SYT14: variants seen among roughly 807,000 people sequenced by gnomAD.
The protein encoded by SYT14 is synaptotagmin 14, also known as synaptotagmin-14.
A neutral mutation model predicts 74.2 loss-of-function variants in SYT14; 32 were observed. The ratio of observed to expected loss-of-function variants is 0.43; its 90% CI spans 0.33 to 0.58. SYT14 has a LOEUF of 0.58. Among genes scored for constraint, SYT14 ranks in the 20% least tolerant of loss-of-function variants. The pLI is 0.05. For synonymous variants in SYT14, 298 were observed against 337.7 expected, an observed-to-expected ratio of 0.88 and a Z score of 1.29; for missense variants, 791 against 981.8, an observed-to-expected ratio of 0.81 and a Z score of 2.60.
At chr1:210,100,739 C>T (rs1289020334) in intron 7 of SYT14, among the ~76,000 whole-genome samples, 1 of 152,054 alleles carries the variant, frequency 6.6e-6, no homozygotes, top group African/African-American at 2.4e-5. Flanking sequence ...TGTTGTTGAA[C>T]ATTTATTAAA....
intron 5 of SYT14, among the ~76,000 whole-genome samples, chr1:210,059,382 A>G (rs1305272466): frequency 2.0e-5 from 3 of 147,230 alleles, no homozygotes; most frequent in Non-Finnish European, 4.5e-5. Flanking sequence ...CAACCTGAGT[A>G]AGATAAATTA....
chr1:210,009,537 A>T (rs889435505), intron 2 of SYT14, among the ~76,000 whole-genome samples: 6 of 151,946 alleles, frequency 3.9e-5, no homozygotes, highest in Non-Finnish European at 7.4e-5. Context: ...AAGCTTTAGT[A>T]TGTATTTATC....
At chr1:210,080,597 C>T (rs1205939985) in intron 5 of SYT14, among the ~76,000 whole-genome samples, 1 of 152,160 alleles carries the variant, frequency 6.6e-6, no homozygotes, top group Non-Finnish European at 1.5e-5. Context: ...GCCCTTTATT[C>T]AACAAACTGT....
rs184069997 is a variant in SYT14, at chr1:209,991,867, C to T, written c.-485-21766C>T. On this transcript the variant is annotated intron_variant, in intron 2 of 9. Transcript: ENST00000637265. ...AAAAAAGTCAAATAACAGATATTGA[C>T]GGGGATGCAGAGAAATGGAAACATA... 1.4e-3 allele frequency among the ~76,000 whole-genome samples: 209 copies of T among 151,112 alleles called. No individual in the cohort carries two copies. In the Middle Eastern group the frequency reaches 0.018, roughly 13 times the overall value.
rs141900638 is a variant in SYT14 at position 210,035,068 on chromosome 1, G to A, written c.1312+13814G>A. Among the ~76,000 whole-genome samples the A allele has an allele frequency of 4.2e-3, 633 of 151,832 alleles. 2 individuals carry two copies. The highest frequency in any genetic ancestry group is 0.014 in the African/African-American group (578 of 41,498). Reference sequence around the variant, plus strand: ...AATCTACATACTGTTTTCCTTAGAGGCTGTACTAATTTACATTCTCACCAA... The same window carrying A: ...AATCTACATACTGTTTTCCTTAGAGACTGTACTAATTTACATTCTCACCAA... On this transcript the variant is annotated intron_variant, in intron 5 of 9. Transcript: ENST00000637265.
At chr1:210,013,669 G>A in exon 3 of SYT14, 14 of 1,612,986 alleles carry the variant, frequency 8.7e-6, no homozygotes, top group Non-Finnish European at 1.2e-5. Context: ...TCAGCTGTTG[G>A]GGTGTTTATT....
rs770355198 is a variant in SYT14 at position 210,021,197 on chromosome 1, T to C, written c.1255T>C (p.Tyr419His). The C allele has an allele frequency of 2.5e-6, 4 of 1,613,998 alleles. No homozygotes were observed. The South Asian group carries it at 4.4e-5, about 18-fold the overall frequency. ...CTATGCTTGGGAAACAAGGCAGAAATACAGTCCTCTATCGGCAGAGTATGA... is the reference window on the plus strand; with the variant it reads ...CTATGCTTGGGAAACAAGGCAGAAACACAGTCCTCTATCGGCAGAGTATGA... The change falls in exon 5 of 10, where the codon TAC (tyrosine) becomes CAC (histidine). Residue 419 changes from tyrosine (Y) to histidine (H), a missense_variant. Physicochemically the swap from Tyr to His is moderately conservative, Grantham distance 83. Transcript: ENST00000637265.
chr1:209,987,657 T>C (rs1290503566), intron 2 of SYT14, among the ~76,000 whole-genome samples: 1 of 152,240 alleles, frequency 6.6e-6, no homozygotes, highest in African/African-American at 2.4e-5. Context: ...ATATCCAAAC[T>C]ATATCCTTTT....
rs10650636 is a variant in SYT14, at chr1:210,030,908, G to GTTTGTTTTGTTTTGT, written c.1312+9676_1312+9690dup. On this transcript the variant is annotated intron_variant, in intron 5 of 9. Coordinates refer to ENST00000637265, the Ensembl canonical transcript of SYT14. ...AATTAGTATGGGAAGGCAGTGTTTT[G>GTTTGTTTTGTTTTGT]TTTGTTTTGTTTTGTTTTGTTTTGT... is the stretch of plus-strand genomic sequence containing the variant. Among the ~76,000 whole-genome samples, 3,624 of 149,038 alleles carry GTTTGTTTTGTTTTGT rather than the reference G, an allele frequency of 0.024. 248 individuals are homozygous for GTTTGTTTTGTTTTGT. In the East Asian group the frequency reaches 0.26, roughly 11 times the overall value.
chr1:209,940,502 C>A (rs1294760255), intron 1 of SYT14, among the ~76,000 whole-genome samples: 1 of 152,054 alleles, frequency 6.6e-6, no homozygotes, highest in Non-Finnish European at 1.5e-5. Flanking sequence ...TTTAAACATG[C>A]AATTACAGTG....
intron 1 of SYT14, among the ~76,000 whole-genome samples, chr1:209,948,560 C>A (rs1484235778): frequency 6.6e-6 from 1 of 152,192 alleles, no homozygotes; most frequent in Non-Finnish European, 1.5e-5. Flanking sequence ...AGTATTATCT[C>A]CGCAAGTATA....
At chr1:210,025,019 T>C (rs937561738) in intron 5 of SYT14, among the ~76,000 whole-genome samples, 2 of 152,180 alleles carry the variant, frequency 1.3e-5, no homozygotes, top group African/African-American at 2.4e-5. Flanking sequence ...GGTAAGGAAG[T>C]ATACATTTGC....
chr1:210,094,498 A>C, exon 6 of SYT14: 1 of 1,613,992 alleles, frequency 6.2e-7, no homozygotes, highest in East Asian at 2.2e-5. Flanking sequence ...CAAGTGCCCA[A>C]GTGAAGGAAG....
chr1:210,102,175 G>A (rs2082079914), intron 7 of SYT14, among the ~76,000 whole-genome samples: 1 of 152,050 alleles, frequency 6.6e-6, no homozygotes, highest in African/African-American at 2.4e-5. Context: ...ATGGGGGTTT[G>A]TTTTACAGAT....
intron 7 of SYT14, among the ~76,000 whole-genome samples, chr1:210,139,111 G>A (rs2082852400): frequency 6.8e-6 from 1 of 146,282 alleles, no homozygotes; most frequent in Admixed American, 6.9e-5. Flanking sequence ...TTTTGAGACA[G>A]AGTCTTGCTC....
intron 6 of SYT14, among the ~76,000 whole-genome samples, chr1:210,096,623 A>G (rs1298627214): frequency 1.3e-5 from 2 of 152,218 alleles, no homozygotes; most frequent in African/African-American, 2.4e-5. Context: ...TGAAATTTGA[A>G]CAAGGGTATC....
intron 4 of SYT14, among the ~76,000 whole-genome samples, chr1:210,019,746 A>T (rs2080264564): frequency 1.3e-5 from 2 of 152,208 alleles, no homozygotes; most frequent in Non-Finnish European, 1.5e-5. Flanking sequence ...TTTACTACAG[A>T]TGCTTAACTG....
At chr1:210,161,650 T>TC (rs773567599) in exon 10 of SYT14, 11 of 453,756 alleles carry the variant, frequency 2.4e-5, no homozygotes, top group Non-Finnish European at 1.3e-5. Context: ...AAACAAGTAT[T>TC]CATTTTCATA....
Position 210,077,653 on chromosome 1 carries a change from C to T in SYT14, c.1313-16669C>T, listed in dbSNP as rs1209993390. On this transcript the variant is annotated intron_variant, in intron 5 of 9. Transcript: ENST00000637265. ...GGGTCATATTGTAACTCTGTTTTTA[C>T]AATTTTGATAACTGTTTTTTGAAAT... Among the ~76,000 whole-genome samples, 4 of 152,146 alleles carry T rather than the reference C, an allele frequency of 2.6e-5. No homozygotes were observed. The East Asian group carries it at 7.7e-4, about 29-fold the overall frequency.
Sources: gnomAD v4.1 joint callset for allele counts (sites outside exome capture counted in the v4.1 genomes callset) on GRCh38, gnomAD v4.1.1 for gene constraint, MANE v1.5 for transcripts, NCBI Gene and HGNC (gene_info 2026-07-23, HGNC 2026-07-21) for gene names.